The following URB2 variants were observed in gnomAD, a reference collection of about 807,000 sequenced individuals.
URB2 encodes URB2 ribosome biogenesis homolog.
In URB2, 86 loss-of-function variants were observed where a neutral mutation model predicts 120.9. That is an observed-to-expected ratio of 0.71 (90% CI 0.60 to 0.85). The LOEUF (loss-of-function observed/expected upper bound fraction) is 0.85. Ranked by LOEUF, URB2 falls within the 40% of genes least tolerant of loss-of-function variation. The pLI, the probability that URB2 is intolerant of heterozygous loss-of-function variation, is 0.00. For synonymous variants in URB2, 755 were observed against 758.4 expected, an observed-to-expected ratio of 1.00 and a Z score of 0.07; for missense variants, 1,765 against 1,836.5, an observed-to-expected ratio of 0.96 and a Z score of 0.71.
At position 229,635,592 on chromosome 1, in the gene URB2, G is replaced by T; in HGVS notation, c.979G>T (p.Val327Phe). The change falls in exon 4 of 10, where the codon GTT becomes TTT. Residue 327 changes from valine to phenylalanine, a missense_variant. Transcript: ENST00000258243. ...KEGNQLLCFQ[V>F]LPRLFGCLKI... ...GGGAAACCAGCTTCTCTGCTTCCAG[G>T]TTCTCCCCAGGTTGTTTGGCTGCTT... The T allele has an allele frequency of 1.2e-6, 2 of 1,614,040 alleles. No homozygotes were observed. The highest frequency in any genetic ancestry group is 1.7e-6 in the Non-Finnish European group (2 of 1,180,040).
chr1:229,643,436 G>T, intron 4 of URB2, 97 bp from the exon 5 acceptor site: 1 of 1,436,950 alleles, frequency 7.0e-7, no homozygotes, highest in Non-Finnish European at 9.6e-7. Flanking sequence ...GGTGATTTTT[G>T]ATGGCGGCCA....
At chr1:229,650,682 C>T (rs967288426) in intron 7 of URB2, among the ~76,000 whole-genome samples, 6 of 152,116 alleles carry the variant, frequency 3.9e-5, no homozygotes, top group South Asian at 4.1e-4. Flanking sequence ...CCGCCTGCCT[C>T]GGCCTCCCAA....
At chr1:229,627,552 T>C in intron 1 of URB2, 69 bp from the exon 2 acceptor site, 2 of 1,488,964 alleles carry the variant, frequency 1.3e-6, no homozygotes, top group South Asian at 1.3e-5. Context: ...GCAATACTGT[T>C]GGTTTTCTGG....
chr1:229,654,076 T>G lies in URB2; in HGVS notation c.4238-173T>G, dbSNP rs988787782. On this transcript the variant is annotated intron_variant, in intron 8 of 9. Transcript: ENST00000258243. ...TCCTTCCCTTTGTTGTGTAGATAAC[T>G]GTTTGGACATATCTGTTCTCCCTTA... Among the ~76,000 whole-genome samples, 3 of 151,832 alleles carry G rather than the reference T, an allele frequency of 2.0e-5. No homozygotes were observed. In the South Asian group the frequency reaches 6.2e-4, roughly 32 times the overall value.
At chr1:229,653,029 T>C (rs1336891813) in intron 8 of URB2, among the ~76,000 whole-genome samples, 1 of 152,236 alleles carries the variant, frequency 6.6e-6, no homozygotes, top group Non-Finnish European at 1.5e-5. Flanking sequence ...ATGCATTAAA[T>C]TGGTGGCCGA....
rs531177299 is a variant in URB2, at chr1:229,637,417, C to T, written c.2804C>T (p.Ser935Phe). 1.2e-6 allele frequency: 2 copies of T among 1,614,192 alleles called. No individual in the cohort carries two copies. Among genetic ancestry groups the T allele is most frequent in the South Asian group, 1.1e-5 (1 of 91,086 alleles). ...AVTKLGCSCS[S>F]SLALKFLTTC... is the part of the protein sequence containing the mutation. The stretch of plus-strand genomic sequence containing the variant: ...ACCAAACTAGGATGCTCTTGCTCCT[C>T]CTCACTGGCTCTCAAGTTCTTGACG... Residue 935 changes from serine to phenylalanine, a missense_variant, in exon 4 of 10, where the codon TCC becomes TTC. Ser to Phe is a radical substitution (Grantham distance 155). Coordinates refer to ENST00000258243, the MANE Select transcript of URB2 (RefSeq NM_014777.4).
intron 9 of URB2, among the ~76,000 whole-genome samples, chr1:229,658,262 C>T (rs1666449199): frequency 6.6e-6 from 1 of 152,120 alleles, no homozygotes; most frequent in South Asian, 2.1e-4. Context: ...ACCTGTTCCC[C>T]CAGCCTTTTA....
chr1:229,631,580 T>G (rs1297569321), intron 2 of URB2, among the ~76,000 whole-genome samples: 1 of 152,186 alleles, frequency 6.6e-6, no homozygotes, highest in Non-Finnish European at 1.5e-5. Flanking sequence ...TTAGCTGGCC[T>G]AATTGCAATA....
chr1:229,648,264 T>C (rs1362356900), intron 7 of URB2, among the ~76,000 whole-genome samples: 1 of 152,204 alleles, frequency 6.6e-6, no homozygotes, highest in Non-Finnish European at 1.5e-5. Context: ...CTCCAAGATA[T>C]CTCATTGTAT....
chr1:229,647,926 A>G, intron 7 of URB2, among the ~76,000 whole-genome samples, 174 bp downstream of exon 7: 1 of 152,240 alleles, frequency 6.6e-6, no homozygotes, highest in East Asian at 1.9e-4. Context: ...TCTCAAGCAT[A>G]AAAATGCTCG....
intron 9 of URB2, among the ~76,000 whole-genome samples, chr1:229,655,970 C>A (rs535118970): frequency 6.6e-6 from 1 of 152,210 alleles, no homozygotes; most frequent in African/African-American, 2.4e-5. Flanking sequence ...TTGCTCACCT[C>A]GGCAGGTGGC....
Position 229,659,247 on chromosome 1 carries a change from C to G in URB2, c.4525C>G (p.Leu1509Val), listed in dbSNP as rs1666468828. 1.9e-6 allele frequency: 3 copies of G among 1,613,960 alleles called. No homozygotes were observed. The highest frequency in any genetic ancestry group is 2.7e-5 in the African/African-American group (2 of 74,918). The part of the protein sequence containing the change: ...DIFKELYNDY[L>V]KYHKAKHEGE... ...CTTTAAGGAGCTCTATAATGACTATCTCAAGTACCACAAGGCCAAACATGA... is the reference window on the plus strand; with the variant it reads ...CTTTAAGGAGCTCTATAATGACTATGTCAAGTACCACAAGGCCAAACATGA... The change falls in exon 10 of 10, where the codon CTC becomes GTC. Residue 1509 changes from leucine to valine, a missense_variant. By Grantham distance (32) the Leu-to-Val change is conservative. Coordinates refer to ENST00000258243, the MANE Select transcript of URB2 (RefSeq NM_014777.4).
intron 4 of URB2, among the ~76,000 whole-genome samples, chr1:229,639,082 AGGG>A (rs1213049170): frequency 6.6e-6 from 1 of 152,124 alleles, no homozygotes; most frequent in Non-Finnish European, 1.5e-5. Flanking sequence ...TGGGAGGCTG[AGGG>A]GGCAGATTGC....
In URB2 at chr1:229,638,062, A is replaced by G. The variant is rs764344314; in HGVS notation, c.3449A>G (p.His1150Arg). The G allele has an allele frequency of 1.1e-5, 17 of 1,614,032 alleles. No homozygotes were observed. The South Asian group carries it at 1.6e-4, about 16-fold the overall frequency. The change falls in exon 4 of 10, where the codon CAT (histidine) becomes CGT (arginine). Residue 1150 changes from histidine to arginine, a missense_variant. By Grantham distance (29) the His-to-Arg change is conservative. Coordinates refer to ENST00000258243, the MANE Select transcript of URB2 (RefSeq NM_014777.4). ...GGAAGCGACAGGACGCTGCTCTCCC[A>G]TGTTGCCCTCTACCAGGGTGTTTAC... ...SQGSDRTLLS[H>R]VALYQGVYSQ...
intron 4 of URB2, among the ~76,000 whole-genome samples, chr1:229,642,648 C>G (rs1666038165): frequency 6.6e-6 from 1 of 152,158 alleles, no homozygotes. Context: ...GACTTCCTGA[C>G]AGTCATCCAG....
At position 229,637,905 on chromosome 1, in the gene URB2, G is replaced by T; in HGVS notation, c.3292G>T (p.Val1098Leu). 3 of 1,608,266 alleles carry T rather than the reference G, an allele frequency of 1.9e-6. No homozygotes were observed. The highest frequency in any genetic ancestry group is 2.5e-6 in the Non-Finnish European group (3 of 1,177,600). The change falls in exon 4 of 10, where the codon GTG (valine) becomes TTG (leucine). Residue 1098 changes from valine (V) to leucine (L), a missense_variant. By Grantham distance (32) the Val-to-Leu change is conservative. Transcript: ENST00000258243. ...GCAGGTTGTGCTGCAGACAGGAGCT[G>T]TGCTGCAGCTCTGCTCAGTGCCGGG... The part of the protein sequence containing the change: ...LQQVVLQTGA[V>L]LQLCSVPGAR...
At chr1:229,629,627 G>A (rs1401414190) in intron 2 of URB2, among the ~76,000 whole-genome samples, 1 of 152,200 alleles carries the variant, frequency 6.6e-6, no homozygotes, top group Non-Finnish European at 1.5e-5. Context: ...GGTTATCTGA[G>A]CCTTTAGGGA....
chr1:229,640,050 C>T (rs766983021), intron 4 of URB2, among the ~76,000 whole-genome samples: 1 of 152,048 alleles, frequency 6.6e-6, no homozygotes, highest in African/African-American at 2.4e-5. Context: ...GATATACATG[C>T]GTGCAGACAA....
chr1:229,634,248 C>G (rs1246472460), intron 3 of URB2, among the ~76,000 whole-genome samples: 1 of 151,944 alleles, frequency 6.6e-6, no homozygotes, highest in Admixed American at 6.6e-5. Context: ...CTCTGTCACC[C>G]AGGCTGGAGT....
Sources: allele counts gnomAD v4.1 joint callset (sites outside exome capture counted in the v4.1 genomes callset), GRCh38; gene constraint gnomAD v4.1.1; transcripts MANE v1.5; gene names NCBI Gene and HGNC (gene_info 2026-07-23, HGNC 2026-07-21).